ZBTB20: variants seen among roughly 807,000 people sequenced by gnomAD.
The protein encoded by ZBTB20 is zinc finger and BTB domain-containing protein 20.
A neutral mutation model predicts 56.9 loss-of-function variants in ZBTB20; 9 were observed. That is an observed-to-expected ratio of 0.16 (90% CI 0.10 to 0.28). The LOEUF is 0.28. ZBTB20 is among the 10% of genes least tolerant of loss of function. ZBTB20 has a pLI of 1.00. For missense variants in ZBTB20, 655 were observed against 1,003.0 expected (o/e 0.65, Z 4.69); for synonymous variants, 417 against 420.7 (o/e 0.99, Z 0.11).
Position 114,428,017 on chromosome 3 carries a change from C to T in ZBTB20, c.-254-38912G>A, listed in dbSNP as rs79991796. On this transcript the variant is annotated intron_variant, in intron 7 of 11. Transcript: ENST00000675478. Reference sequence around the variant, plus strand: ...GGGGGGCATGCCCAAAGGCATCTGTCGTAATAGAAACCTTGAGATTTGTTC... The same window carrying T: ...GGGGGGCATGCCCAAAGGCATCTGTTGTAATAGAAACCTTGAGATTTGTTC... Among the ~76,000 whole-genome samples, 556 of 152,128 alleles carry T rather than the reference C, an allele frequency of 3.7e-3. 3 individuals carry two copies. Among genetic ancestry groups the T allele is most frequent in the African/African-American group, 0.012 (516 of 41,500 alleles).
At chr3:114,573,279 G>T (rs1231255515) in intron 6 of ZBTB20, among the ~76,000 whole-genome samples, 1 of 152,008 alleles carries the variant, frequency 6.6e-6, no homozygotes, top group African/African-American at 2.4e-5. Context: ...AGGCAACATG[G>T]TGAAACCCTG....
chr3:115,035,962 A>C (rs1005812934), intron 2 of ZBTB20, among the ~76,000 whole-genome samples: 22 of 152,180 alleles, frequency 1.4e-4, no homozygotes, highest in Non-Finnish European at 1.0e-4. Flanking sequence ...AAATGAAATA[A>C]AGCCAAACAC....
chr3:114,322,385 C>T lies in ZBTB20; in HGVS notation c.*16620G>A, dbSNP rs1204792380. On this transcript the variant is annotated 3_prime_UTR_variant, in exon 12 of 12. Transcript: ENST00000675478. ...GGTCTCCTGTAAATACCATTGTGAA[C>T]AGAAGGAAAACCATAGTGTAATCCC... is the stretch of plus-strand genomic sequence containing the variant. The T allele has an allele frequency of 6.6e-6, 1 of 152,132 alleles. No individual in the cohort carries two copies. The highest frequency in any genetic ancestry group is 1.5e-5 in the Non-Finnish European group (1 of 68,032). 9.4% of individuals were successfully genotyped at this position (152,132 alleles called of 1,614,324 possible).
intron 3 of ZBTB20, among the ~76,000 whole-genome samples, chr3:114,918,501 T>C (rs1005497546): frequency 6.6e-6 from 1 of 152,230 alleles, no homozygotes; most frequent in South Asian, 2.1e-4. Flanking sequence ...TTTCAGAGTC[T>C]CACTCAATGC....
intron 8 of ZBTB20, among the ~76,000 whole-genome samples, chr3:114,383,839 T>C (rs1307905787): frequency 6.6e-6 from 1 of 152,218 alleles, no homozygotes; most frequent in East Asian, 1.9e-4. Context: ...GAGGAAAGAA[T>C]AAGCCCTGTC....
intron 7 of ZBTB20, among the ~76,000 whole-genome samples, chr3:114,390,806 A>G (rs1364491488): frequency 6.6e-6 from 1 of 152,206 alleles, no homozygotes; most frequent in Non-Finnish European, 1.5e-5. Context: ...AGGGTCTCTA[A>G]CTTTGAGAAG....
chr3:114,708,198 C>T (rs938544840), intron 5 of ZBTB20, among the ~76,000 whole-genome samples: 1 of 152,082 alleles, frequency 6.6e-6, no homozygotes, highest in Non-Finnish European at 1.5e-5. Context: ...TAAATGACTA[C>T]AAAAATGTTT....
intron 1 of ZBTB20, among the ~76,000 whole-genome samples, chr3:115,108,919 G>A (rs1263932833): frequency 6.6e-6 from 1 of 152,110 alleles, no homozygotes; most frequent in Non-Finnish European, 1.5e-5. Context: ...TGAATGATAA[G>A]ATTATTATGC....
At chr3:114,977,918 G>A (rs1454379601) in intron 2 of ZBTB20, among the ~76,000 whole-genome samples, 2 of 150,880 alleles carry the variant, frequency 1.3e-5, no homozygotes, top group Non-Finnish European at 2.9e-5. Context: ...GCTGAGGTGG[G>A]AGGATCACCT....
chr3:114,717,234 T>C (rs2064548351), intron 5 of ZBTB20, among the ~76,000 whole-genome samples: 2 of 152,178 alleles, frequency 1.3e-5, no homozygotes, highest in South Asian at 4.1e-4. Context: ...TTGTGAATGA[T>C]ATAAACTAAT....
At chr3:115,041,209 C>A (rs1048165384) in intron 2 of ZBTB20, among the ~76,000 whole-genome samples, 3 of 152,102 alleles carry the variant, frequency 2.0e-5, no homozygotes, top group Non-Finnish European at 4.4e-5. Flanking sequence ...GTGTAAAACA[C>A]CTAAACTTCA....
chr3:114,933,504 A>C (rs1160836443), intron 3 of ZBTB20, among the ~76,000 whole-genome samples: 2 of 152,236 alleles, frequency 1.3e-5, no homozygotes, highest in African/African-American at 4.8e-5. Flanking sequence ...CTGTGAGCCA[A>C]ATCTGCTCAG....
intron 3 of ZBTB20, among the ~76,000 whole-genome samples, chr3:114,941,319 T>C (rs1479737448): frequency 6.8e-6 from 1 of 146,642 alleles, no homozygotes; most frequent in East Asian, 1.9e-4. Flanking sequence ...AAGTCCCATT[T>C]TGTGAAAGAG....
intron 4 of ZBTB20, among the ~76,000 whole-genome samples, chr3:114,823,657 C>T (rs564786239): frequency 6.6e-6 from 1 of 152,012 alleles, no homozygotes; most frequent in African/African-American, 2.4e-5. Flanking sequence ...AAAAACATAG[C>T]GTGAAAATTT....
intron 7 of ZBTB20, among the ~76,000 whole-genome samples, chr3:114,411,146 G>T (rs558980462): frequency 6.6e-6 from 1 of 152,150 alleles, no homozygotes. Context: ...ACATGTACAT[G>T]CAAAATATCA....
chr3:114,573,075 T>C (rs2053608561), intron 6 of ZBTB20, among the ~76,000 whole-genome samples: 1 of 152,220 alleles, frequency 6.6e-6, no homozygotes, highest in South Asian at 2.1e-4. Flanking sequence ...TCTAGATTCT[T>C]TCCTTTGTGA....
chr3:114,462,369 TTTC>T (rs2092370584), intron 7 of ZBTB20, among the ~76,000 whole-genome samples: 2 of 152,348 alleles, frequency 1.3e-5, no homozygotes, highest in East Asian at 3.9e-4. Context: ...AAGTGCTAAA[TTTC>T]TTGATTTGAA....
At chr3:114,984,978 C>T (rs900180141) in intron 2 of ZBTB20, among the ~76,000 whole-genome samples, 9 of 151,972 alleles carry the variant, frequency 5.9e-5, no homozygotes, top group African/African-American at 2.2e-4. Flanking sequence ...ATGATGGCTT[C>T]CCCTTCTCAT....
intron 2 of ZBTB20, among the ~76,000 whole-genome samples, chr3:114,978,412 C>G (rs893463628): frequency 6.7e-6 from 1 of 150,332 alleles, no homozygotes; most frequent in Non-Finnish European, 1.5e-5. Context: ...GAAAGAAATG[C>G]AAATTAAATA....
Sources: gnomAD v4.1 joint callset for allele counts (sites outside exome capture counted in the v4.1 genomes callset) on GRCh38, gnomAD v4.1.1 for gene constraint, MANE v1.5 for transcripts, NCBI Gene and HGNC (gene_info 2026-07-23, HGNC 2026-07-21) for gene names.